TTC27: variants seen among roughly 807,000 people sequenced by gnomAD.
The protein encoded by TTC27 is tetratricopeptide repeat protein 27.
TTC27 carries 79 observed loss-of-function variants against 115.9 expected under a neutral mutation model. The ratio of observed to expected loss-of-function variants is 0.68; its 90% confidence interval spans 0.57 to 0.82. The LOEUF is 0.82. Ranked by LOEUF, TTC27 falls within the 40% of genes least tolerant of loss-of-function variation. The probability of loss-of-function intolerance (pLI) is 0.00; values close to 1 mark genes in which losing one functional copy is unlikely to be tolerated. For missense variants in TTC27, 1,054 were observed against 993.1 expected, an observed-to-expected ratio of 1.06 and a Z score of -0.82; for synonymous variants, 401 against 356.0, an observed-to-expected ratio of 1.13 and a Z score of -1.42.
chr2:32,733,496 A>C (rs1253516947), intron 10 of TTC27, among the ~76,000 whole-genome samples: 2 of 152,240 alleles, frequency 1.3e-5, no homozygotes, highest in African/African-American at 4.8e-5. Context: ...AAGTGGCATT[A>C]TGTTGTGAAA....
rs888622694 is a variant in TTC27, at chr2:32,672,377, G to C, written c.1045G>C (p.Gly349Arg). 1 of 1,611,804 alleles carries C rather than the reference G, an allele frequency of 6.2e-7. No individual in the cohort carries two copies. The highest frequency in any genetic ancestry group is 8.5e-7 in the Non-Finnish European group (1 of 1,178,304). The change falls in exon 8 of 20, where the codon GGA becomes CGA. Residue 349 changes from glycine to arginine, a missense_variant. Gly to Arg is a moderately radical substitution (Grantham distance 125). Coordinates refer to ENST00000317907, the MANE Select transcript of TTC27 (RefSeq NM_017735.5). ...TGCTGAAGAGATCGCTATTATTCTT[G>C]GAATCTGGTGAGTTAATGACTGACT... Reference protein sequence around the residue: ...LCAEEIAIILGICTNFQKNNP... With the variant: ...LCAEEIAIILRICTNFQKNNP...
intron 4 of TTC27, among the ~76,000 whole-genome samples, chr2:32,647,415 A>G (rs1056991810): frequency 6.6e-6 from 1 of 152,254 alleles, no homozygotes; most frequent in Non-Finnish European, 1.5e-5. Context: ...TAGGAAAAGA[A>G]TGAAAATGAC....
chr2:32,755,900 C>G (rs1423075015), intron 12 of TTC27, among the ~76,000 whole-genome samples: 2 of 152,218 alleles, frequency 1.3e-5, no homozygotes, highest in Non-Finnish European at 2.9e-5. Flanking sequence ...TAATCTATCA[C>G]TCAATATGCA....
At chr2:32,662,992 C>G (rs1364792351) in intron 5 of TTC27, among the ~76,000 whole-genome samples, 1 of 152,120 alleles carries the variant, frequency 6.6e-6, no homozygotes, top group Non-Finnish European at 1.5e-5. Context: ...GGAAAACCAC[C>G]TACTGAAGCC....
intron 12 of TTC27, among the ~76,000 whole-genome samples, chr2:32,753,773 T>A (rs1408744022): frequency 3.3e-5 from 5 of 151,088 alleles, no homozygotes; most frequent in Admixed American, 3.3e-4. Flanking sequence ...CACATAGAAC[T>A]AGTGAAACTG....
intron 11 of TTC27, 58 bp downstream of exon 11, chr2:32,733,981 C>A: frequency 1.8e-6 from 2 of 1,120,210 alleles, no homozygotes; most frequent in Non-Finnish European, 2.6e-6. Context: ...AAGGTAAATG[C>A]ATTATAAATT....
chr2:32,640,154 A>G, intron 3 of TTC27, 116 bp from the exon 4 acceptor site: 1 of 958,338 alleles, frequency 1.0e-6, no homozygotes, highest in Non-Finnish European at 1.5e-6. Flanking sequence ...TGTGTAATAT[A>G]TTAATGCTTT....
chr2:32,782,902 A>G (rs1239422612), intron 15 of TTC27, among the ~76,000 whole-genome samples: 4 of 152,218 alleles, frequency 2.6e-5, no homozygotes, highest in Non-Finnish European at 5.9e-5. Context: ...AAAATAAGAA[A>G]TGTTACTTGA....
intron 7 of TTC27, among the ~76,000 whole-genome samples, chr2:32,669,993 C>G (rs191570548): frequency 9.9e-5 from 15 of 151,334 alleles, no homozygotes; most frequent in African/African-American, 3.1e-4. Context: ...TGTAGCCTGC[C>G]TTAGCCTCCG....
intron 10 of TTC27, among the ~76,000 whole-genome samples, chr2:32,708,301 C>CTTGTTTTTTTTTTT (rs1667449661): frequency 2.5e-5 from 2 of 80,252 alleles, no homozygotes; most frequent in African/African-American, 1.1e-4. Flanking sequence ...TTTTCTCTAC[C>CTTGTTTTTTTTTTT]TTGTTTTTTT....
intron 16 of TTC27, among the ~76,000 whole-genome samples, chr2:32,798,102 T>TA (rs143563889): frequency 0.48 from 70,328 of 146,244 alleles, 16,900 homozygotes; most frequent in South Asian, 0.62. Context: ...GAAAAAAAAT[T>TA]AAAAAAAAAA....
intron 3 of TTC27, among the ~76,000 whole-genome samples, chr2:32,638,870 T>A (rs1449978938): frequency 1.3e-5 from 2 of 152,082 alleles, no homozygotes; most frequent in East Asian, 3.9e-4. Flanking sequence ...TCTTGCTCTG[T>A]CACCCAGGCT....
In TTC27 at chr2:32,692,582, G is replaced by A. The variant is rs539382270; in HGVS notation, c.1120-10225G>A. 1.2e-4 allele frequency among the ~76,000 whole-genome samples: 18 copies of A among 152,242 alleles called. No individual in the cohort carries two copies. The South Asian group carries it at 3.7e-3, about 32-fold the overall frequency. ...TTTATGTTATATGTATTTTACCATA[G>A]TTTTTAAAAATTAAAAAGAGAAAAG... On this transcript the variant is annotated intron_variant, in intron 9 of 19. Transcript: ENST00000317907.
intron 7 of TTC27, 145 bp downstream of exon 7, chr2:32,666,913 A>G: frequency 1.0e-6 from 1 of 987,556 alleles, no homozygotes; most frequent in Non-Finnish European, 1.4e-6. Flanking sequence ...TGAGTCAGGG[A>G]GAACTGGTGT....
intron 13 of TTC27, among the ~76,000 whole-genome samples, chr2:32,775,293 G>A (rs1291549759): frequency 1.3e-5 from 2 of 152,176 alleles, no homozygotes; most frequent in African/African-American, 2.4e-5. Context: ...CACCTCCTGG[G>A]TTCACGCCAT....
chr2:32,755,493 G>T (rs986799240), intron 12 of TTC27, among the ~76,000 whole-genome samples: 1 of 152,184 alleles, frequency 6.6e-6, no homozygotes, highest in Non-Finnish European at 1.5e-5. Context: ...TGAGGCAGGA[G>T]AATCAGGCAG....
chr2:32,663,636 T>G (rs796370198), intron 5 of TTC27, among the ~76,000 whole-genome samples: 1 of 146,402 alleles, frequency 6.8e-6, no homozygotes, highest in Admixed American at 6.8e-5. Context: ...CACCCCCTAT[T>G]TATGTATGTA....
At chr2:32,781,425 G>A (rs220649) in intron 14 of TTC27, among the ~76,000 whole-genome samples, 99,188 of 151,872 alleles carry the variant, frequency 0.65, 33,157 homozygotes, top group African/African-American at 0.8. Context: ...TCCCATGTCC[G>A]CCATTTTTTA....
At chr2:32,794,734 A>T (rs999867959) in intron 16 of TTC27, among the ~76,000 whole-genome samples, 2 of 152,178 alleles carry the variant, frequency 1.3e-5, no homozygotes, top group African/African-American at 2.4e-5. Flanking sequence ...AGATTACTGA[A>T]ATCAGAAATG....
Sources: gnomAD v4.1 joint callset for allele counts (sites outside exome capture counted in the v4.1 genomes callset) on GRCh38, gnomAD v4.1.1 for gene constraint, MANE v1.5 for transcripts, NCBI Gene and HGNC (gene_info 2026-07-23, HGNC 2026-07-21) for gene names.